SUCLA2: variants seen among roughly 807,000 people sequenced by gnomAD.
SUCLA2 encodes succinate--CoA ligase [ADP-forming] subunit beta, mitochondrial.
A neutral mutation model predicts 54.8 loss-of-function variants in SUCLA2; 30 were observed. The ratio of observed to expected loss-of-function variants is 0.55; its 90% CI spans 0.41 to 0.74. SUCLA2 has a LOEUF of 0.74. Ranked by LOEUF, SUCLA2 falls within the 30% of genes least tolerant of loss-of-function variation. The pLI is 0.00. For missense variants in SUCLA2, 476 were observed against 562.9 expected (o/e 0.85, Z 1.56); for synonymous variants, 172 against 188.9 (o/e 0.91, Z 0.74).
rs149330594 is a variant in SUCLA2, at chr13:47,998,724, T to C, written c.91-1701A>G. Among the ~76,000 whole-genome samples, 252 of 152,302 alleles carry C rather than the reference T, an allele frequency of 1.7e-3. 1 individual carries two copies. Among genetic ancestry groups the C allele is most frequent in the African/African-American group, 5.6e-3 (233 of 41,556 alleles). Reference sequence around the variant, plus strand: ...TAGCCTATGGTGACAGAAGTCATAATTGGTTGCTACCTTCTGTCAGGGAGT... The same window carrying C: ...TAGCCTATGGTGACAGAAGTCATAACTGGTTGCTACCTTCTGTCAGGGAGT... On this transcript the variant is annotated intron_variant, in intron 1 of 10. Transcript: ENST00000646932.
intron 10 of SUCLA2, among the ~76,000 whole-genome samples, chr13:47,943,766 G>GTGTGTGTATATATATATATATATATATA (rs1300486540): frequency 7.2e-6 from 1 of 139,672 alleles, no homozygotes; most frequent in African/African-American, 2.7e-5. Flanking sequence ...GTGTGTGTGT[G>GTGTGTGTATATATATATATATATATATA]TATATATATA....
At chr13:47,956,653 A>C (rs1949823886) in intron 6 of SUCLA2, among the ~76,000 whole-genome samples, 1 of 152,232 alleles carries the variant, frequency 6.6e-6, no homozygotes, top group Admixed American at 6.5e-5. Context: ...TCTGAATCTA[A>C]AGTAGTAAAT....
At chr13:48,001,121 T>A in intron 1 of SUCLA2, 59 bp downstream of exon 1, 1 of 1,558,822 alleles carries the variant, frequency 6.4e-7, no homozygotes, top group Non-Finnish European at 8.7e-7. Context: ...ACGGGACCCC[T>A]CACACCTCAC....
intron 4 of SUCLA2, among the ~76,000 whole-genome samples, chr13:47,985,878 T>C (rs1950098833): frequency 6.6e-6 from 1 of 152,202 alleles, no homozygotes; most frequent in South Asian, 2.1e-4. Flanking sequence ...TTCCTTTTTC[T>C]GCAAAACCTC....
chr13:47,970,483 C>CA (rs1412557198), intron 5 of SUCLA2, among the ~76,000 whole-genome samples: 1 of 152,174 alleles, frequency 6.6e-6, no homozygotes, highest in African/African-American at 2.4e-5. Flanking sequence ...GCCTTTTAAA[C>CA]ATTTATATCA....
chr13:47,943,762 G>GTATATATATATATATATATATATATATA (rs1419922780), intron 10 of SUCLA2, among the ~76,000 whole-genome samples: 2 of 133,354 alleles, frequency 1.5e-5, no homozygotes, highest in East Asian at 2.2e-4. Context: ...GTGTGTGTGT[G>GTATATATATATATATATATATATATATA]TGTGTATATA....
At chr13:47,958,414 G>C (rs537629918) in intron 6 of SUCLA2, among the ~76,000 whole-genome samples, 5 of 152,238 alleles carry the variant, frequency 3.3e-5, no homozygotes, top group African/African-American at 1.2e-4. Flanking sequence ...GTTATATGTT[G>C]TGTCTACCAA....
rs1474065322 is a variant in SUCLA2, at chr13:47,943,426, A to G, written c.1337T>C (p.Ile446Thr). ...AARMVVKLSEIVTLAKQAHVD... is the reference protein window; with the variant it reads ...AARMVVKLSETVTLAKQAHVD... ...ATGTGCTTGCTTCGCTAAGGTCACT[A>G]TTTCAGAGAGCTTTACAACCTAAAA... The change falls in exon 11 of 11, where the codon ATA becomes ACA. Residue 446 changes from isoleucine (I) to threonine (T), a missense_variant. Physicochemically the swap from Ile to Thr is moderately conservative, Grantham distance 89. This residue lies in a region of SUCLA2 where 342 missense variants were observed against 444.2 expected (regional missense o/e 0.77). Coordinates refer to ENST00000646932, the MANE Select transcript of SUCLA2 (RefSeq NM_003850.3). 13 of 1,613,916 alleles carry G rather than the reference A, an allele frequency of 8.1e-6. No individual in the cohort carries two copies. The highest frequency in any genetic ancestry group is 1.1e-5 in the Non-Finnish European group (13 of 1,179,852).
In SUCLA2 at chr13:47,943,329, A is replaced by G. The variant is rs1949700430; in HGVS notation, c.*42T>C. The G allele has an allele frequency of 1.9e-6, 3 of 1,557,276 alleles. No homozygotes were observed. The highest frequency in any genetic ancestry group is 1.8e-6 in the Non-Finnish European group (2 of 1,128,676). On this transcript the variant is annotated 3_prime_UTR_variant, in exon 11 of 11. Coordinates refer to ENST00000646932, the MANE Select transcript of SUCLA2 (RefSeq NM_003850.3). ...ACAGAACACAGTATTCTTAATGATTATAGCACATTTAACACCTTCAGCCAT... is the reference window on the plus strand; with the variant it reads ...ACAGAACACAGTATTCTTAATGATTGTAGCACATTTAACACCTTCAGCCAT...
chr13:47,973,499 C>G, intron 4 of SUCLA2, 107 bp from the exon 5 acceptor site: 1 of 1,276,206 alleles, frequency 7.8e-7, no homozygotes, highest in South Asian at 1.2e-5. Flanking sequence ...CTATTACTCT[C>G]TACCCACATT....
At chr13:47,988,150 GA>G (rs1192270291) in intron 4 of SUCLA2, 1 of 201,084 alleles carries the variant, frequency 5.0e-6, no homozygotes, top group Non-Finnish European at 9.8e-6. Context: ...TGAGAAAACA[GA>G]AGATGAGGCA....
chr13:47,996,745 TA>T (rs895044279), intron 2 of SUCLA2, 97 bp downstream of exon 2: 175 of 1,122,702 alleles, frequency 1.6e-4, no homozygotes, highest in African/African-American at 1.5e-3. Flanking sequence ...GTATTTTTTT[TA>T]AAAAAAAGCT....
chr13:47,962,828 T>C (rs1166040506), intron 6 of SUCLA2, among the ~76,000 whole-genome samples: 2 of 151,788 alleles, frequency 1.3e-5, no homozygotes, highest in Non-Finnish European at 2.9e-5. Context: ...AACACAGAAA[T>C]TGACCTTTCT....
At chr13:47,988,177 T>G (rs1262776622) in intron 4 of SUCLA2, 1 of 259,288 alleles carries the variant, frequency 3.9e-6, no homozygotes. Context: ...TACACATTCT[T>G]CTAGTGGGTT....
rs1024488063 is a variant in SUCLA2 at position 47,989,124 on chromosome 13, T to C, written c.272-143A>G. ...ATGTCCAAAAATAAGGCATTCTCTT[T>C]ATGTAGATTTTCTAGATTAGAACAC... On this transcript the variant is annotated intron_variant, in intron 2 of 10. Transcript: ENST00000646932. 3 of 807,130 alleles carry C rather than the reference T, an allele frequency of 3.7e-6. No homozygotes were observed. In the African/African-American group the frequency reaches 5.2e-5, roughly 14 times the overall value. 50.0% of individuals were successfully genotyped at this position (807,130 alleles called of 1,614,324 possible).
In SUCLA2 at chr13:47,998,795, T is replaced by C. The variant is rs375898077; in HGVS notation, c.91-1772A>G. On this transcript the variant is annotated intron_variant, in intron 1 of 10. Coordinates refer to ENST00000646932, the MANE Select transcript of SUCLA2 (RefSeq NM_003850.3). ...GAGAGCCTTCTGAGGGCTGGAAACA[T>C]TGTATATCTTGATGCAGACGATGGT... Among the ~76,000 whole-genome samples the C allele has an allele frequency of 6.4e-4, 97 of 152,344 alleles. 2 individuals are homozygous for C. The South Asian group carries it at 0.012, about 19-fold the overall frequency.
chr13:47,989,131 A>G, intron 2 of SUCLA2, 150 bp from the exon 3 acceptor site: 1 of 766,946 alleles, frequency 1.3e-6, no homozygotes, highest in South Asian at 1.6e-5. Context: ...CTTTATGTAG[A>G]TTTTCTAGAT....
Position 47,943,760 on chromosome 13 carries a change from G to GTATATATATA in SUCLA2, c.1318-316_1318-315insTATATATATA, listed in dbSNP as rs1397232676. Among the ~76,000 whole-genome samples, 51 of 129,340 alleles carry GTATATATATA rather than the reference G, an allele frequency of 3.9e-4. 1 individual carries two copies. The highest frequency in any genetic ancestry group is 1.5e-3 in the African/African-American group (49 of 31,910). The allele number at this position is 129,340 out of a possible 152,430, so 84.9% of individuals were successfully genotyped here. Reference sequence around the variant, plus strand: ...TGTGTATGTATGTGTGTGTGTGTGTGTGTGTGTATATATATATATATTATT... The same window carrying GTATATATATA: ...TGTGTATGTATGTGTGTGTGTGTGTGTATATATATATGTGTGTATATATATATATATTATT... On this transcript the variant is annotated intron_variant, in intron 10 of 10. Coordinates refer to ENST00000646932, the MANE Select transcript of SUCLA2 (RefSeq NM_003850.3).
At chr13:47,986,264 C>T (rs1438249863) in intron 4 of SUCLA2, among the ~76,000 whole-genome samples, 1 of 152,140 alleles carries the variant, frequency 6.6e-6, no homozygotes, top group Non-Finnish European at 1.5e-5. Flanking sequence ...CTCCTCACCT[C>T]AGGTAATTCG....
Sources: gnomAD v4.1 joint callset for allele counts (sites outside exome capture counted in the v4.1 genomes callset) on GRCh38, gnomAD v4.1.1 for gene constraint, gnomAD v4.1.1 regional missense constraint, MANE v1.5 for transcripts, NCBI Gene and HGNC (gene_info 2026-07-23, HGNC 2026-07-21) for gene names.